Variants in FSIP1 observed in about 807,000 individuals in gnomAD.
FSIP1 encodes the protein fibrous sheath-interacting protein 1.
A neutral mutation model predicts 60.9 loss-of-function variants in FSIP1; 65 were observed. That is an observed-to-expected ratio of 1.07 (90% CI 0.87 to 1.31). The LOEUF (loss-of-function observed/expected upper bound fraction) is 1.31, where lower values mean the gene tolerates loss of function less well. FSIP1 is among the 40% of genes most tolerant of loss of function. The pLI, the probability that FSIP1 is intolerant of heterozygous loss-of-function variation, is 0.00. For synonymous variants in FSIP1, 209 were observed against 221.2 expected, an observed-to-expected ratio of 0.94 and a Z score of 0.49; for missense variants, 675 against 665.5, an observed-to-expected ratio of 1.01 and a Z score of -0.16.
intron 10 of FSIP1, among the ~76,000 whole-genome samples, chr15:39,659,545 A>T (rs1893209329): frequency 6.6e-6 from 1 of 151,724 alleles, no homozygotes; most frequent in South Asian, 2.1e-4. Context: ...CCTCCTCAAA[A>T]AAAAAAAAAA....
intron 10 of FSIP1, among the ~76,000 whole-genome samples, chr15:39,692,870 G>A (rs980037529): frequency 6.6e-6 from 1 of 152,230 alleles, no homozygotes; most frequent in Admixed American, 6.5e-5. Flanking sequence ...GGGGAGAAGG[G>A]GAGTGGAGCC....
At position 39,738,107 on chromosome 15, in the gene FSIP1, C is replaced by T. The variant is rs1322454185; in HGVS notation, c.875G>A (p.Gly292Glu). The change falls in exon 8 of 12, where the codon GGG becomes GAG. Residue 292 changes from glycine to glutamate, a missense_variant. Coordinates refer to ENST00000350221, the MANE Select transcript of FSIP1 (RefSeq NM_152597.5). The stretch of plus-strand genomic sequence containing the variant: ...TTTACGTACCTCAGAACTGGAGAGC[C>T]CGGAATCTTTCTCATCCAAGTCCTT... ...LLKDLDEKDSGLSSSEGDQSG... is the reference protein window; with the variant it reads ...LLKDLDEKDSELSSSEGDQSG... The T allele has an allele frequency of 6.2e-7, 1 of 1,610,414 alleles. No individual in the cohort carries two copies.
At chr15:39,731,222 A>G (rs1343903005) in intron 8 of FSIP1, among the ~76,000 whole-genome samples, 2 of 152,228 alleles carry the variant, frequency 1.3e-5, no homozygotes, top group Admixed American at 1.3e-4. Context: ...AAGGCACACA[A>G]CTCTGATAAA....
intron 5 of FSIP1, among the ~76,000 whole-genome samples, chr15:39,745,339 C>T (rs766666040): frequency 5.3e-5 from 8 of 152,070 alleles, no homozygotes; most frequent in Non-Finnish European, 8.8e-5. Context: ...ACCAATTTTA[C>T]CATAGTCTAA....
intron 10 of FSIP1, among the ~76,000 whole-genome samples, chr15:39,699,403 G>C (rs1894964085): frequency 6.6e-6 from 1 of 152,194 alleles, no homozygotes; most frequent in Non-Finnish European, 1.5e-5. Context: ...TGGGAGAATG[G>C]AAACTTTGAG....
intron 6 of FSIP1, among the ~76,000 whole-genome samples, chr15:39,741,596 T>C (rs1896801691): frequency 6.6e-6 from 1 of 152,242 alleles, no homozygotes; most frequent in Non-Finnish European, 1.5e-5. Context: ...TTTATTATTA[T>C]ACAAAATTTC....
Position 39,725,397 on chromosome 15 carries a change from G to A in FSIP1, c.1050+1192C>T, listed in dbSNP as rs1022652189. Among the ~76,000 whole-genome samples the A allele has an allele frequency of 1.6e-4, 25 of 152,124 alleles. 1 individual carries two copies. The highest frequency in any genetic ancestry group is 9.7e-5 in the African/African-American group (4 of 41,444). ...GGGTCAGAAGCAGCTGTTCCTGTCC[G>A]CCAGAAATACAACCAGTCACAAAAC... On this transcript the variant is annotated intron_variant, in intron 9 of 11. Transcript: ENST00000350221.
chr15:39,735,509 A>T (rs1896573492), intron 8 of FSIP1, among the ~76,000 whole-genome samples: 1 of 152,208 alleles, frequency 6.6e-6, no homozygotes, highest in Non-Finnish European at 1.5e-5. Flanking sequence ...AGCTTGCAGG[A>T]GTGGAAGCTG....
chr15:39,604,332 T>C (rs1030347358), intron 11 of FSIP1, among the ~76,000 whole-genome samples: 5 of 152,252 alleles, frequency 3.3e-5, no homozygotes, highest in Non-Finnish European at 5.9e-5. Flanking sequence ...CTTTTTACTT[T>C]ACCCAATTTG....
At chr15:39,733,124 A>C (rs1444155135) in intron 8 of FSIP1, among the ~76,000 whole-genome samples, 1 of 152,042 alleles carries the variant, frequency 6.6e-6, no homozygotes, top group Non-Finnish European at 1.5e-5. Context: ...TCCACCTCCC[A>C]TGTTCAAGCG....
intron 5 of FSIP1, among the ~76,000 whole-genome samples, chr15:39,759,327 A>G (rs1408908571): frequency 6.6e-6 from 1 of 152,204 alleles, no homozygotes; most frequent in African/African-American, 2.4e-5. Context: ...GTAACTCACA[A>G]CTTAGCTAAA....
chr15:39,638,841 C>T (rs1354981516), intron 10 of FSIP1, among the ~76,000 whole-genome samples: 1 of 151,604 alleles, frequency 6.6e-6, no homozygotes, highest in Non-Finnish European at 1.5e-5. Flanking sequence ...TGTGTGTGTG[C>T]ATGTGTGTGT....
chr15:39,682,321 C>T (rs1894198488), intron 10 of FSIP1, among the ~76,000 whole-genome samples: 1 of 152,016 alleles, frequency 6.6e-6, no homozygotes, highest in South Asian at 2.1e-4. Flanking sequence ...AGAAATGTGG[C>T]CTGCTGCAAA....
At chr15:39,703,528 A>C (rs2664133) in intron 10 of FSIP1, among the ~76,000 whole-genome samples, 113,477 of 152,100 alleles carry the variant, frequency 0.75, 43,396 homozygotes, top group Non-Finnish European at 0.85. Flanking sequence ...ATATTTATAA[A>C]TTGATTATAA....
At chr15:39,670,493 T>G (rs529907089) in intron 10 of FSIP1, among the ~76,000 whole-genome samples, 5 of 152,350 alleles carry the variant, frequency 3.3e-5, no homozygotes, top group African/African-American at 1.2e-4. Context: ...TTCTTTTTCT[T>G]TTTTTAGAGA....
At chr15:39,698,193 A>G (rs542842975) in intron 10 of FSIP1, among the ~76,000 whole-genome samples, 1 of 146,166 alleles carries the variant, frequency 6.8e-6, no homozygotes, top group African/African-American at 2.5e-5. Context: ...TATTAATTGT[A>G]TATATATATA....
intron 10 of FSIP1, among the ~76,000 whole-genome samples, chr15:39,646,036 T>C (rs1191168887): frequency 1.3e-5 from 2 of 152,180 alleles, no homozygotes; most frequent in East Asian, 1.9e-4. Flanking sequence ...CTCTGTCCTC[T>C]CTGAACTCCA....
intron 5 of FSIP1, among the ~76,000 whole-genome samples, chr15:39,744,888 C>A (rs370647034): frequency 1.3e-5 from 2 of 151,594 alleles, no homozygotes; most frequent in African/African-American, 2.4e-5. Flanking sequence ...AGACTGGGGT[C>A]GTGATGAGGG....
At chr15:39,714,825 T>TA (rs1178351965) in intron 9 of FSIP1, among the ~76,000 whole-genome samples, 1 of 150,356 alleles carries the variant, frequency 6.7e-6, no homozygotes, top group African/African-American at 2.5e-5. Flanking sequence ...AATAAAAAAA[T>TA]AATTAGCCAG....
Sources: gnomAD v4.1 joint callset for allele counts (sites outside exome capture counted in the v4.1 genomes callset) on GRCh38, gnomAD v4.1.1 for gene constraint, MANE v1.5 for transcripts, NCBI Gene and HGNC (gene_info 2026-07-23, HGNC 2026-07-21) for gene names.